Variants in KIFAP3 observed in about 807,000 individuals in gnomAD.
KIFAP3 encodes kinesin associated protein 3.
KIFAP3 carries 68 observed loss-of-function variants against 106.5 expected under a neutral mutation model. The observed-to-expected ratio is 0.64, with a 90% CI of 0.53 to 0.78. The LOEUF (loss-of-function observed/expected upper bound fraction) is 0.78. KIFAP3 is among the 30% of genes least tolerant of loss of function. KIFAP3 has a pLI of 0.00. For synonymous variants in KIFAP3, 320 were observed against 311.5 expected, an observed-to-expected ratio of 1.03 and a Z score of -0.29; for missense variants, 780 against 941.8, an observed-to-expected ratio of 0.83 and a Z score of 2.25.
intron 9 of KIFAP3, among the ~76,000 whole-genome samples, chr1:170,022,576 C>G (rs1427747190): frequency 1.3e-5 from 2 of 152,190 alleles, no homozygotes; most frequent in East Asian, 3.9e-4. Flanking sequence ...AATTGGGAGG[C>G]TAGATTCACT....
At chr1:170,050,083 C>G (rs1670493526) in intron 2 of KIFAP3, among the ~76,000 whole-genome samples, 1 of 151,994 alleles carries the variant, frequency 6.6e-6, no homozygotes, top group Non-Finnish European at 1.5e-5. Flanking sequence ...TGCAAGGAAG[C>G]TAAGAACCTT....
intron 10 of KIFAP3, among the ~76,000 whole-genome samples, chr1:170,016,051 G>A (rs12145705): frequency 0.063 from 9,594 of 151,948 alleles, 386 homozygotes; most frequent in Non-Finnish European, 0.095. Context: ...TTTTAACTTA[G>A]TAACAAAAAG....
At chr1:169,932,566 A>G (rs1663550074) in intron 19 of KIFAP3, among the ~76,000 whole-genome samples, 1 of 152,078 alleles carries the variant, frequency 6.6e-6, no homozygotes. Context: ...TATAAAACAG[A>G]CAAGTCTGAC....
chr1:170,046,790 T>A lies in KIFAP3; in HGVS notation c.241A>T (p.Ile81Phe). The change falls in exon 3 of 20, where the codon ATT (isoleucine) becomes TTT (phenylalanine). Residue 81 changes from isoleucine (I) to phenylalanine (F), a missense_variant. By Grantham distance (21) the Ile-to-Phe change is conservative. Transcript: ENST00000361580. ...ARKVVEECKL[I>F]HPSKLNEVEQ... ...ACCTCATTTAGTTTTGAAGGATGAA[T>A]GAGTTTACATTCTTCAACCACCTTC... 1 of 1,609,910 alleles carries A rather than the reference T, an allele frequency of 6.2e-7. No homozygotes were observed. The highest frequency in any genetic ancestry group is 8.5e-7 in the Non-Finnish European group (1 of 1,177,152).
chr1:170,014,600 A>G (rs1055149384), intron 10 of KIFAP3, among the ~76,000 whole-genome samples: 3 of 152,156 alleles, frequency 2.0e-5, no homozygotes, highest in Non-Finnish European at 4.4e-5. Flanking sequence ...GTTGAAAAAC[A>G]TTTCTCTATA....
intron 9 of KIFAP3, among the ~76,000 whole-genome samples, chr1:170,022,254 C>T (rs1668879352): frequency 6.6e-6 from 1 of 151,960 alleles, no homozygotes; most frequent in South Asian, 2.1e-4. Flanking sequence ...CAGCCCTCCT[C>T]AAGTCTATTT....
At chr1:169,947,556 TA>T (rs551339254) in intron 19 of KIFAP3, among the ~76,000 whole-genome samples, 212 of 151,812 alleles carry the variant, frequency 1.4e-3, no homozygotes, top group African/African-American at 4.4e-3. Context: ...CATTCAATGA[TA>T]TTTTTTTAAT....
At chr1:169,985,513 G>A (rs1310479373) in intron 11 of KIFAP3, among the ~76,000 whole-genome samples, 3 of 151,802 alleles carry the variant, frequency 2.0e-5, no homozygotes, top group Admixed American at 1.3e-4. Flanking sequence ...AACATCTACC[G>A]AAAAGGAGAA....
At chr1:170,010,580 T>C (rs1668193528) in intron 10 of KIFAP3, among the ~76,000 whole-genome samples, 1 of 151,840 alleles carries the variant, frequency 6.6e-6, no homozygotes, top group African/African-American at 2.4e-5. Flanking sequence ...CAGTTTGTTT[T>C]CCAAGTAAAC....
At chr1:170,080,890 A>G (rs1557886296) in intron 1 of KIFAP3, among the ~76,000 whole-genome samples, 1 of 152,188 alleles carries the variant, frequency 6.6e-6, no homozygotes, top group African/African-American at 2.4e-5. Flanking sequence ...TTTACATTTC[A>G]TTGGATTGAA....
At position 169,968,334 on chromosome 1, in the gene KIFAP3, ACT is replaced by A. The variant is rs367891832; in HGVS notation, c.1983+4177_1983+4178del. Among the ~76,000 whole-genome samples, 28 of 151,788 alleles carry A rather than the reference ACT, an allele frequency of 1.8e-4. No homozygotes were observed. The East Asian group carries it at 4.3e-3, about 23-fold the overall frequency. On this transcript the variant is annotated intron_variant, in intron 17 of 19. Coordinates refer to ENST00000361580, the MANE Select transcript of KIFAP3 (RefSeq NM_014970.4). ...TCAGAGCCTGTTCACTATCAGGAAA[ACT>A]CTTTGTCACTGGCTTCCGTCACACC...
At chr1:169,955,570 A>G (rs1664967194) in intron 18 of KIFAP3, among the ~76,000 whole-genome samples, 1 of 152,100 alleles carries the variant, frequency 6.6e-6, no homozygotes, top group Admixed American at 6.5e-5. Context: ...AATTGAGTGA[A>G]TGGTAAAACT....
At chr1:169,954,494 G>A (rs1664903582) in intron 18 of KIFAP3, among the ~76,000 whole-genome samples, 1 of 152,134 alleles carries the variant, frequency 6.6e-6, no homozygotes, top group South Asian at 2.1e-4. Flanking sequence ...TAAAGGCAAG[G>A]AGGTATTAAA....
chr1:170,037,821 G>A (rs987844587), intron 5 of KIFAP3, among the ~76,000 whole-genome samples: 1 of 152,052 alleles, frequency 6.6e-6, no homozygotes, highest in African/African-American at 2.4e-5. Flanking sequence ...GTGTTATTGA[G>A]AAAAGGGTGT....
chr1:170,025,442 A>G (rs1669054977), intron 8 of KIFAP3, among the ~76,000 whole-genome samples: 1 of 151,998 alleles, frequency 6.6e-6, no homozygotes, highest in Non-Finnish European at 1.5e-5. Context: ...CTTGCAAACT[A>G]CCTCTCAACA....
intron 19 of KIFAP3, among the ~76,000 whole-genome samples, chr1:169,924,866 G>C (rs1322266599): frequency 6.6e-6 from 1 of 152,144 alleles, no homozygotes; most frequent in African/African-American, 2.4e-5. Context: ...CAACGTTGCA[G>C]GAAAAATTGT....
At chr1:169,937,578 T>C (rs981214020) in intron 19 of KIFAP3, among the ~76,000 whole-genome samples, 12 of 151,930 alleles carry the variant, frequency 7.9e-5, no homozygotes, top group African/African-American at 2.6e-4. Flanking sequence ...TATTGGACTA[T>C]GAAAACTAAT....
intron 1 of KIFAP3, among the ~76,000 whole-genome samples, chr1:170,084,701 CTG>C (rs1478356900): frequency 6.6e-6 from 1 of 152,068 alleles, no homozygotes; most frequent in African/African-American, 2.4e-5. Context: ...AGTTAAGTAA[CTG>C]TATGTAGTTT....
rs191446923 is a variant in KIFAP3 at position 170,031,645 on chromosome 1, A to C, written c.841+241T>G. Among the ~76,000 whole-genome samples the C allele has an allele frequency of 2.6e-5, 4 of 151,894 alleles. No homozygotes were observed. The East Asian group carries it at 7.7e-4, about 29-fold the overall frequency. ...GAAAAGGTCACACACTGGATTAAAA[A>C]ATCCTTTCTTAGGAAATAAATAATA... On this transcript the variant is annotated intron_variant, in intron 8 of 19. Transcript: ENST00000361580.
Sources: allele counts gnomAD v4.1 joint callset (sites outside exome capture counted in the v4.1 genomes callset), GRCh38; gene constraint gnomAD v4.1.1; transcripts MANE v1.5; gene names NCBI Gene and HGNC (gene_info 2026-07-23, HGNC 2026-07-21).